The following THEM4 variants were observed in gnomAD, a reference collection of about 807,000 sequenced individuals.
THEM4 encodes the protein thioesterase superfamily member 4, also known as acyl-coenzyme A thioesterase THEM4.
A neutral mutation model predicts 25.0 loss-of-function variants in THEM4; 22 were observed. The observed-to-expected ratio is 0.88, with a 90% CI of 0.63 to 1.26. The LOEUF is 1.26. Ranked by LOEUF, THEM4 falls within the 50% of genes most tolerant of loss-of-function variation. THEM4 has a pLI of 0.00. For synonymous variants in THEM4, 113 were observed against 105.6 expected, an observed-to-expected ratio of 1.07 and a Z score of -0.43; for missense variants, 286 against 300.3, an observed-to-expected ratio of 0.95 and a Z score of 0.35.
intron 1 of THEM4, 118 bp from the exon 2 acceptor site, chr1:151,895,312 T>G: frequency 3.3e-6 from 3 of 896,752 alleles, no homozygotes; most frequent in Non-Finnish European, 5.0e-6. Context: ...GCTTGTCACT[T>G]CAAAATGGAA....
Position 151,894,989 on chromosome 1 carries a change from G to A in THEM4, c.286+19C>T. ...TATTTGATGCTCAGATATATTAATG[G>A]GAAAGTGGCTGTTTCTACCAAGAAA... On this transcript the variant is annotated intron_variant, in intron 2 of 5. Transcript: ENST00000368814. The A allele has an allele frequency of 6.2e-7, 1 of 1,612,348 alleles. No individual in the cohort carries two copies. Among genetic ancestry groups the A allele is most frequent in the Non-Finnish European group, 8.5e-7 (1 of 1,178,592 alleles).
intron 3 of THEM4, among the ~76,000 whole-genome samples, 186 bp from the exon 4 acceptor site, chr1:151,888,569 A>G (rs1289711331): frequency 6.6e-6 from 1 of 152,260 alleles, no homozygotes; most frequent in African/African-American, 2.4e-5. Flanking sequence ...TCACAGCATA[A>G]TAATATAGTC....
At chr1:151,875,052 G>C in intron 5 of THEM4, 124 bp from the exon 6 acceptor site, 1 of 794,098 alleles carries the variant, frequency 1.3e-6, no homozygotes, top group African/African-American at 1.7e-5. Context: ...CAGTCTATCT[G>C]TCCACTCTCA....
At chr1:151,902,989 AAAAC>A (rs1054162167) in intron 1 of THEM4, among the ~76,000 whole-genome samples, 5 of 152,210 alleles carry the variant, frequency 3.3e-5, no homozygotes, top group Non-Finnish European at 5.9e-5. Context: ...TTCTGTCTCA[AAAAC>A]AAACAAACAA....
intron 1 of THEM4, among the ~76,000 whole-genome samples, chr1:151,899,210 G>T (rs535353078): frequency 2.4e-4 from 37 of 152,210 alleles, no homozygotes; most frequent in Middle Eastern, 6.8e-3. Flanking sequence ...AGTGAAGGGA[G>T]GGCCAGGTGT....
intron 1 of THEM4, among the ~76,000 whole-genome samples, chr1:151,896,920 A>G (rs763260292): frequency 2.6e-5 from 4 of 152,230 alleles, no homozygotes; most frequent in Non-Finnish European, 5.9e-5. Flanking sequence ...TTACCAAAAA[A>G]TATAGGAGAA....
intron 1 of THEM4, among the ~76,000 whole-genome samples, chr1:151,895,513 T>G (rs1221248973): frequency 6.6e-6 from 1 of 152,120 alleles, no homozygotes; most frequent in Non-Finnish European, 1.5e-5. Context: ...AGATGGAGGT[T>G]AAGAACAGGC....
chr1:151,895,652 G>GA (rs1483461004), intron 1 of THEM4, among the ~76,000 whole-genome samples: 1 of 141,332 alleles, frequency 7.1e-6, no homozygotes, highest in African/African-American at 2.6e-5. Flanking sequence ...TAGATAAGCA[G>GA]AAATTAGCCA....
intron 1 of THEM4, among the ~76,000 whole-genome samples, chr1:151,898,327 C>G (rs1654270201): frequency 6.6e-6 from 1 of 152,124 alleles, no homozygotes; most frequent in South Asian, 2.1e-4. Context: ...TCCCCAACTT[C>G]CCTGACAACC....
intron 1 of THEM4, among the ~76,000 whole-genome samples, chr1:151,908,539 A>T (rs1572086456): frequency 6.6e-6 from 1 of 152,224 alleles, no homozygotes; most frequent in African/African-American, 2.4e-5. Flanking sequence ...AAAGTTTGAA[A>T]GCCAGAAATA....
At chr1:151,892,182 A>T (rs1349718815) in intron 2 of THEM4, among the ~76,000 whole-genome samples, 2 of 152,132 alleles carry the variant, frequency 1.3e-5, no homozygotes, top group Non-Finnish European at 1.5e-5. Context: ...TTTAGTCAAG[A>T]GCGAATGAGG....
intron 2 of THEM4, chr1:151,894,745 G>A: frequency 3.4e-6 from 2 of 592,780 alleles, no homozygotes; most frequent in East Asian, 2.8e-5. Context: ...GTAGGAGGGT[G>A]GAAGCTCTCT....
intron 1 of THEM4, among the ~76,000 whole-genome samples, chr1:151,904,165 C>T (rs2101732089): frequency 6.6e-6 from 1 of 152,232 alleles, no homozygotes; most frequent in Non-Finnish European, 1.5e-5. Flanking sequence ...TTGAAATAAA[C>T]GTATCACATT....
intron 1 of THEM4, among the ~76,000 whole-genome samples, chr1:151,906,979 C>T (rs960153039): frequency 1.2e-4 from 18 of 152,130 alleles, no homozygotes; most frequent in African/African-American, 1.4e-4. Context: ...GCAACCCGCT[C>T]GGGTCCCCTT....
At chr1:151,907,600 A>G (rs993748587) in intron 1 of THEM4, among the ~76,000 whole-genome samples, 2 of 152,164 alleles carry the variant, frequency 1.3e-5, no homozygotes, top group African/African-American at 4.8e-5. Context: ...AGTGCACTCA[A>G]TAAAGTTCTC....
chr1:151,898,300 C>G (rs1654269486), intron 1 of THEM4, among the ~76,000 whole-genome samples: 1 of 152,106 alleles, frequency 6.6e-6, no homozygotes, highest in Non-Finnish European at 1.5e-5. Flanking sequence ...CTGGGTGAGG[C>G]CTGTGACTGC....
intron 5 of THEM4, among the ~76,000 whole-genome samples, chr1:151,876,428 A>AT (rs1447300442): frequency 6.7e-6 from 1 of 149,588 alleles, no homozygotes; most frequent in Non-Finnish European, 1.5e-5. Flanking sequence ...GAGGTGGGTC[A>AT]AAGGGCATAT....
chr1:151,908,314 A>G (rs751133423), intron 1 of THEM4, among the ~76,000 whole-genome samples: 44 of 152,232 alleles, frequency 2.9e-4, no homozygotes, highest in Admixed American at 4.6e-4. Flanking sequence ...GCTCCACAGC[A>G]AACTTCGCTG....
intron 1 of THEM4, among the ~76,000 whole-genome samples, chr1:151,895,734 T>C (rs954039096): frequency 6.7e-6 from 1 of 150,152 alleles, no homozygotes; most frequent in African/African-American, 2.5e-5. Context: ...CCCGCTCAAA[T>C]CTCATATTGA....
Sources: gnomAD v4.1 joint callset for allele counts (sites outside exome capture counted in the v4.1 genomes callset) on GRCh38, gnomAD v4.1.1 for gene constraint, MANE v1.5 for transcripts, NCBI Gene and HGNC (gene_info 2026-07-23, HGNC 2026-07-21) for gene names.